SEMA3E: variants seen among roughly 807,000 people sequenced by gnomAD.
SEMA3E encodes semaphorin 3E.
In SEMA3E, 49 loss-of-function variants were observed where a neutral mutation model predicts 93.6. The observed-to-expected ratio is 0.52, with a 90% CI of 0.42 to 0.66. The LOEUF is 0.66. Among genes scored for constraint, SEMA3E ranks in the 30% least tolerant of loss-of-function variants. The pLI is 0.00. For missense variants in SEMA3E, 906 were observed against 964.8 expected (o/e 0.94, Z 0.81); for synonymous variants, 363 against 330.7 (o/e 1.10, Z -1.06).
chr7:83,511,612 C>A (rs895705991), intron 1 of SEMA3E, among the ~76,000 whole-genome samples: 3 of 152,066 alleles, frequency 2.0e-5, no homozygotes, highest in African/African-American at 7.2e-5. Flanking sequence ...AGTCCTAGTG[C>A]GGTGGCTCAT....
rs1001758816 is a variant in SEMA3E, at chr7:83,482,423, G to A, written c.276+7691C>T. ...CTACTAAAAATACAAAAAATTAGCC[G>A]GGTGTGGTGGCGGGTGCCTGTAGTC... On this transcript the variant is annotated intron_variant, in intron 2 of 16. Transcript: ENST00000643230. 4.6e-5 allele frequency among the ~76,000 whole-genome samples: 7 copies of A among 151,888 alleles called. No individual in the cohort carries two copies. The East Asian group carries it at 5.8e-4, about 13-fold the overall frequency.
chr7:83,396,041 ATGTGTGTGTGTGTG>A (rs3043167), intron 12 of SEMA3E, among the ~76,000 whole-genome samples: 1 of 149,010 alleles, frequency 6.7e-6, no homozygotes, highest in Admixed American at 6.7e-5. Context: ...ATACGACTTG[ATGTGTGTGTGTGTG>A]TGTGTGTGTG....
At chr7:83,378,449 A>G (rs866918667) in intron 16 of SEMA3E, among the ~76,000 whole-genome samples, 53 of 151,994 alleles carry the variant, frequency 3.5e-4, no homozygotes, top group Middle Eastern at 3.4e-3. Flanking sequence ...AAAGAAAACA[A>G]AACAAAATTT....
At chr7:83,402,481 T>A (rs1390798465) in intron 10 of SEMA3E, 151 bp downstream of exon 10, 1 of 650,942 alleles carries the variant, frequency 1.5e-6, no homozygotes, top group Non-Finnish European at 2.6e-6. Flanking sequence ...TTTGAAGGAA[T>A]ATTTTTTTAC....
At chr7:83,376,322 T>C (rs377347355) in intron 16 of SEMA3E, among the ~76,000 whole-genome samples, 3 of 152,024 alleles carry the variant, frequency 2.0e-5, no homozygotes, top group Non-Finnish European at 2.9e-5. Context: ...ACAAACAAAA[T>C]GGTAAAATAA....
At chr7:83,420,630 A>G (rs1205538074) in intron 4 of SEMA3E, among the ~76,000 whole-genome samples, 1 of 152,212 alleles carries the variant, frequency 6.6e-6, no homozygotes, top group Non-Finnish European at 1.5e-5. Context: ...GCAGACACAT[A>G]GACCAATGGA....
intron 12 of SEMA3E, among the ~76,000 whole-genome samples, chr7:83,395,262 T>C (rs1788099426): frequency 6.6e-6 from 1 of 152,134 alleles, no homozygotes; most frequent in African/African-American, 2.4e-5. Flanking sequence ...AAAAAAAGCA[T>C]AGCTGCTCCG....
chr7:83,408,178 C>G (rs1048436344), intron 6 of SEMA3E, among the ~76,000 whole-genome samples, 190 bp downstream of exon 6: 24 of 152,088 alleles, frequency 1.6e-4, no homozygotes, highest in African/African-American at 5.1e-4. Flanking sequence ...TTAAGCCAAT[C>G]AATTTTGATA....
intron 6 of SEMA3E, 41 bp from the exon 7 acceptor site, chr7:83,407,280 T>C (rs1304392222): frequency 1.3e-6 from 2 of 1,521,522 alleles, no homozygotes; most frequent in African/African-American, 2.7e-5. Flanking sequence ...AAATAGATAT[T>C]ACAACTAAAT....
chr7:83,507,664 G>A lies in SEMA3E; in HGVS notation c.116-17390C>T, dbSNP rs77936030. Among the ~76,000 whole-genome samples, 673 of 151,912 alleles carry A rather than the reference G, an allele frequency of 4.4e-3. 8 individuals carry two copies. Among genetic ancestry groups the A allele is most frequent in the African/African-American group, 0.015 (639 of 41,432 alleles). ...AATTAAAACTGATGCAGGCCAGGTC[G>A]CGGTGGCTCACACGTGTAATCCCAG... On this transcript the variant is annotated intron_variant, in intron 1 of 16. Transcript: ENST00000643230.
At chr7:83,623,957 G>A (rs1366685258) in intron 1 of SEMA3E, among the ~76,000 whole-genome samples, 1 of 144,088 alleles carries the variant, frequency 6.9e-6, no homozygotes, top group East Asian at 2.1e-4. Context: ...TCCCACTTAT[G>A]AGTGAGAATA....
intron 16 of SEMA3E, among the ~76,000 whole-genome samples, chr7:83,381,414 A>T (rs762852705): frequency 2.0e-5 from 3 of 152,006 alleles, no homozygotes; most frequent in Non-Finnish European, 4.4e-5. Context: ...ATACTGTTAC[A>T]TGACCTATGC....
At chr7:83,636,018 C>A (rs1793876767) in intron 1 of SEMA3E, among the ~76,000 whole-genome samples, 1 of 151,462 alleles carries the variant, frequency 6.6e-6, no homozygotes, top group African/African-American at 2.4e-5. Context: ...CATTCTTTTT[C>A]TCTGTTTCTT....
intron 16 of SEMA3E, chr7:83,372,063 G>T: frequency 2.6e-6 from 1 of 384,556 alleles, no homozygotes; most frequent in Non-Finnish European, 4.6e-6. Flanking sequence ...AATGAGTAAA[G>T]AATTCAGAAG....
At chr7:83,579,856 G>C (rs1434160318) in intron 1 of SEMA3E, among the ~76,000 whole-genome samples, 1 of 151,976 alleles carries the variant, frequency 6.6e-6, no homozygotes, top group Non-Finnish European at 1.5e-5. Context: ...TGGCTAGCTA[G>C]AAAAGTAGTT....
chr7:83,440,124 T>C (rs1789082844), intron 4 of SEMA3E, among the ~76,000 whole-genome samples: 1 of 152,222 alleles, frequency 6.6e-6, no homozygotes, highest in African/African-American at 2.4e-5. Flanking sequence ...AAATATTTAA[T>C]AGAAGTATCT....
At chr7:83,599,723 CT>C in intron 1 of SEMA3E, among the ~76,000 whole-genome samples, 1 of 151,946 alleles carries the variant, frequency 6.6e-6, no homozygotes. Flanking sequence ...ATAAACAAGC[CT>C]TTGTTTAAGA....
intron 1 of SEMA3E, among the ~76,000 whole-genome samples, chr7:83,571,313 T>G (rs576075279): frequency 7.9e-5 from 12 of 151,978 alleles, no homozygotes; most frequent in Non-Finnish European, 1.5e-4. Flanking sequence ...CATATAGATA[T>G]AAAAACTTCA....
At chr7:83,458,131 G>A (rs985828922) in intron 4 of SEMA3E, among the ~76,000 whole-genome samples, 3 of 150,582 alleles carry the variant, frequency 2.0e-5, no homozygotes, top group Middle Eastern at 3.2e-3. Flanking sequence ...TTCAACTATT[G>A]GAATTTGAAA....
Sources: gnomAD v4.1 joint callset for allele counts (sites outside exome capture counted in the v4.1 genomes callset) on GRCh38, gnomAD v4.1.1 for gene constraint, MANE v1.5 for transcripts, NCBI Gene and HGNC (gene_info 2026-07-23, HGNC 2026-07-21) for gene names.